B3GLCT: variants seen among roughly 807,000 people sequenced by gnomAD.
The protein encoded by B3GLCT is beta 3-glucosyltransferase.
Under a neutral mutation model 63.4 loss-of-function variants are expected in B3GLCT, and 65 were observed. The ratio of observed to expected loss-of-function variants is 1.03; its 90% confidence interval spans 0.84 to 1.26. B3GLCT has a LOEUF of 1.26. B3GLCT is among the 50% of genes most tolerant of loss of function. B3GLCT has a pLI of 0.00. For missense variants in B3GLCT, 577 were observed against 604.8 expected, an observed-to-expected ratio of 0.95 and a Z score of 0.48; for synonymous variants, 233 against 219.2, an observed-to-expected ratio of 1.06 and a Z score of -0.55.
chr13:31,314,195 C>T (rs1874873378), intron 12 of B3GLCT, among the ~76,000 whole-genome samples: 1 of 152,144 alleles, frequency 6.6e-6, no homozygotes, highest in Admixed American at 6.5e-5. Flanking sequence ...AGGTCAGAGC[C>T]CCCACACAGA....
chr13:31,202,938 T>C (rs1868757900), intron 1 of B3GLCT, among the ~76,000 whole-genome samples: 1 of 152,234 alleles, frequency 6.6e-6, no homozygotes, highest in African/African-American at 2.4e-5. Context: ...TGCAGACTTG[T>C]ATTGCATGAG....
chr13:31,296,517 G>T (rs1336436858), intron 12 of B3GLCT, among the ~76,000 whole-genome samples: 1 of 152,112 alleles, frequency 6.6e-6, no homozygotes, highest in Non-Finnish European at 1.5e-5. Context: ...CTCCCAAAAG[G>T]TCCCACCTCT....
Position 31,302,275 on chromosome 13 carries a change from T to C in B3GLCT, c.1065-15291T>C, listed in dbSNP as rs140421050. 4.2e-3 allele frequency among the ~76,000 whole-genome samples: 646 copies of C among 152,310 alleles called. 3 individuals carry two copies. Among genetic ancestry groups the C allele is most frequent in the Non-Finnish European group, 6.5e-3 (443 of 68,018 alleles). On this transcript the variant is annotated intron_variant, in intron 12 of 14. Transcript: ENST00000343307. ...TACCATGGCCTGGATAACGGTCATA[T>C]TCAGTGGGTGAATATCCCAGTTATC...
In B3GLCT at chr13:31,200,125, C is replaced by A. The variant is rs2137720961; in HGVS notation, c.41C>A (p.Ala14Glu). The A allele has an allele frequency of 7.3e-7, 1 of 1,374,122 alleles. No individual in the cohort carries two copies. The highest frequency in any genetic ancestry group is 9.5e-7 in the Non-Finnish European group (1 of 1,054,000). The allele number at this position is 1,374,122 out of a possible 1,614,324, so 85.1% of individuals were successfully genotyped here. Residue 14 changes from alanine (A) to glutamate (E), a missense_variant, in exon 1 of 15, where the codon GCG (alanine) becomes GAG (glutamate). Coordinates refer to ENST00000343307, the MANE Select transcript of B3GLCT (RefSeq NM_194318.4). ...TGCTGGTGGCTGCTCGCGCCGCCGG[C>A]GCTGCTCGCGCTCCTCACCTGCTCC... The part of the protein sequence containing the change: ...PACWWLLAPP[A>E]LLALLTCSLA...
At position 31,329,582 on chromosome 13, in the gene B3GLCT, G is replaced by A; in HGVS notation, c.1411G>A (p.Val471Met). 1 of 1,614,232 alleles carries A rather than the reference G, an allele frequency of 6.2e-7. No homozygotes were observed. Among genetic ancestry groups the A allele is most frequent in the Non-Finnish European group, 8.5e-7 (1 of 1,180,044 alleles). ...CCACAAACACTGGAACATCGATCCA[G>A]TGAAGGTGTATTTCACATGGTTGGC... ...SFHKHWNIDP[V>M]KVYFTWLAPS... Residue 471 changes from valine (V) to methionine (M), a missense_variant, in exon 15 of 15, where the codon GTG becomes ATG. Transcript: ENST00000343307.
intron 13 of B3GLCT, among the ~76,000 whole-genome samples, chr13:31,319,201 A>G (rs528277467): frequency 4.7e-4 from 72 of 152,238 alleles, no homozygotes; most frequent in African/African-American, 1.4e-3. Context: ...GTGCTAGACC[A>G]CCAAGGTGGC....
At chr13:31,294,306 A>G (rs1173478628) in intron 12 of B3GLCT, among the ~76,000 whole-genome samples, 1 of 152,022 alleles carries the variant, frequency 6.6e-6, no homozygotes, top group African/African-American at 2.4e-5. Flanking sequence ...GCTCTTCCTG[A>G]TGAGTATCTT....
At chr13:31,286,023 T>G (rs1477946048) in intron 11 of B3GLCT, among the ~76,000 whole-genome samples, 1 of 152,220 alleles carries the variant, frequency 6.6e-6, no homozygotes, top group Middle Eastern at 3.2e-3. Flanking sequence ...TAATATAAGT[T>G]AATATTTGTG....
At chr13:31,242,618 T>C (rs969452257) in intron 4 of B3GLCT, among the ~76,000 whole-genome samples, 2 of 152,176 alleles carry the variant, frequency 1.3e-5, no homozygotes, top group African/African-American at 4.8e-5. Context: ...TCAGAAGAAA[T>C]AGAGCCAGGA....
chr13:31,289,547 A>C (rs1883059421), intron 12 of B3GLCT, among the ~76,000 whole-genome samples: 1 of 152,186 alleles, frequency 6.6e-6, no homozygotes, highest in South Asian at 2.1e-4. Context: ...ATAAAGGACT[A>C]ATAGTGGACT....
intron 4 of B3GLCT, 51 bp from the exon 5 acceptor site, chr13:31,246,972 T>TTTTTTTTTTTTTTTTTA: frequency 8.1e-7 from 1 of 1,231,114 alleles, no homozygotes; most frequent in Non-Finnish European, 1.2e-6. Context: ...TTTTTACTTT[T>TTTTTTTTTTTTTTTTTA]TTTCGGAGTA....
At chr13:31,200,526 CTT>C (rs935128834) in intron 1 of B3GLCT, among the ~76,000 whole-genome samples, 4 of 150,396 alleles carry the variant, frequency 2.7e-5, no homozygotes, top group African/African-American at 9.7e-5. Flanking sequence ...ACCGAAGAAA[CTT>C]TGCAACAGCG....
intron 10 of B3GLCT, among the ~76,000 whole-genome samples, chr13:31,280,480 G>C (rs4143851): frequency 0.89 from 135,683 of 152,136 alleles, 60,894 homozygotes; most frequent in East Asian, 1. Context: ...TGAGAGTGGG[G>C]TGTACTGTTA....
In B3GLCT at chr13:31,255,307, C is replaced by G. The variant is rs554372407; in HGVS notation, c.460-5639C>G. ...CTGCTTAAGGAAATAAGAGAGGACA[C>G]AAACAAATGGAAAAACATTCCATGC... is the stretch of plus-strand genomic sequence containing the variant. On this transcript the variant is annotated intron_variant, in intron 6 of 14. Coordinates refer to ENST00000343307, the MANE Select transcript of B3GLCT (RefSeq NM_194318.4). Among the ~76,000 whole-genome samples, 13 of 152,178 alleles carry G rather than the reference C, an allele frequency of 8.5e-5. No individual in the cohort carries two copies. In the East Asian group the frequency reaches 2.5e-3, roughly 29 times the overall value.
chr13:31,328,088 C>T (rs1279534941), intron 14 of B3GLCT, among the ~76,000 whole-genome samples: 1 of 152,170 alleles, frequency 6.6e-6, no homozygotes, highest in East Asian at 1.9e-4. Flanking sequence ...GTTTGCTAGT[C>T]ATGTTACTTC....
rs12584498 is a variant in B3GLCT at position 31,208,437 on chromosome 13, A to G, written c.71-6614A>G. Among the ~76,000 whole-genome samples the G allele has an allele frequency of 0.015, 2,231 of 152,028 alleles. 187 individuals carry two copies. The East Asian group carries it at 0.26, about 17-fold the overall frequency. On this transcript the variant is annotated intron_variant, in intron 1 of 14. Coordinates refer to ENST00000343307, the MANE Select transcript of B3GLCT (RefSeq NM_194318.4). ...GCACGCACACCCCTGTGCTGGGCTC[A>G]CCCCTGCACCCGGCTCTCCTGCCTG...
Position 31,234,934 on chromosome 13 carries a change from A to AT in B3GLCT, c.270+5642dup, listed in dbSNP as rs1870573551. On this transcript the variant is annotated intron_variant, in intron 4 of 14. Transcript: ENST00000343307. The stretch of plus-strand genomic sequence containing the variant: ...CCCTGGTGGCCTTAGGGAGAATGGC[A>AT]TTAAGAGAGCCAGGACTGGGCGAGG... Among the ~76,000 whole-genome samples the AT allele has an allele frequency of 2.0e-5, 3 of 152,210 alleles. No homozygotes were observed. In the South Asian group the frequency reaches 6.2e-4, roughly 32 times the overall value.
At chr13:31,231,708 G>A (rs1231105601) in intron 4 of B3GLCT, among the ~76,000 whole-genome samples, 3 of 152,190 alleles carry the variant, frequency 2.0e-5, no homozygotes, top group Non-Finnish European at 4.4e-5. Flanking sequence ...TTTACAGCAG[G>A]GATAAGGCAT....
intron 9 of B3GLCT, among the ~76,000 whole-genome samples, chr13:31,275,905 T>C (rs969555345): frequency 6.6e-6 from 1 of 152,166 alleles, no homozygotes; most frequent in African/African-American, 2.4e-5. Context: ...GCTTGCTTGC[T>C]CTTTCAGTGC....
Sources: allele counts gnomAD v4.1 joint callset (sites outside exome capture counted in the v4.1 genomes callset), GRCh38; gene constraint gnomAD v4.1.1; transcripts MANE v1.5; gene names NCBI Gene and HGNC (gene_info 2026-07-23, HGNC 2026-07-21).